The following DPPA2 variants were observed in gnomAD, a reference collection of about 807,000 sequenced individuals.
DPPA2 encodes the protein developmental pluripotency-associated protein 2.
In DPPA2, 26 loss-of-function variants were observed where a neutral mutation model predicts 36.2. The observed-to-expected ratio is 0.72, with a 90% CI of 0.53 to 1.00. DPPA2 has a LOEUF of 1.00. Among genes scored for constraint, DPPA2 ranks in the 50% least tolerant of loss-of-function variants. DPPA2 has a pLI of 0.00. For missense variants in DPPA2, 361 were observed against 365.1 expected (o/e 0.99, Z 0.09); for synonymous variants, 113 against 123.2 (o/e 0.92, Z 0.55).
At chr3:109,313,709 T>C (rs1171921964) in intron 2 of DPPA2, among the ~76,000 whole-genome samples, 1 of 152,190 alleles carries the variant, frequency 6.6e-6, no homozygotes, top group East Asian at 1.9e-4. Context: ...ATTCCAGTCC[T>C]ATTGCAATAT....
Position 109,314,575 on chromosome 3 carries a change from C to T in DPPA2, c.-13-20G>A. 1 of 1,606,386 alleles carries T rather than the reference C, an allele frequency of 6.2e-7. No homozygotes were observed. The highest frequency in any genetic ancestry group is 8.5e-7 in the Non-Finnish European group (1 of 1,174,854). On this transcript the variant is annotated intron_variant, in intron 1 of 8. Coordinates refer to ENST00000478945, the MANE Select transcript of DPPA2 (RefSeq NM_138815.4). ...AACACCCTGGGGAAGGCAAGGACAG[C>T]AATGTTAAGGATATGGTAGTTTACT...
At chr3:109,301,853 C>T (rs183737015) in intron 7 of DPPA2, among the ~76,000 whole-genome samples, 98 of 152,204 alleles carry the variant, frequency 6.4e-4, no homozygotes, top group African/African-American at 2.4e-3. Context: ...TGACGGTGAT[C>T]AACATGTCCT....
intron 8 of DPPA2, among the ~76,000 whole-genome samples, chr3:109,297,417 G>A (rs1484386171): frequency 1.3e-5 from 2 of 151,766 alleles, no homozygotes; most frequent in Non-Finnish European, 2.9e-5. Context: ...CCAGCTACTT[G>A]GGAGGCAGAG....
At chr3:109,311,946 G>A (rs1233249542) in intron 3 of DPPA2, among the ~76,000 whole-genome samples, 1 of 152,110 alleles carries the variant, frequency 6.6e-6, no homozygotes, top group Non-Finnish European at 1.5e-5. Flanking sequence ...TATAGAAGAG[G>A]AGATTGAGCT....
rs780863080 is a variant in DPPA2, at chr3:109,308,228, G to C, written c.462C>G (p.Thr154=). The change falls in exon 6 of 9, where the codon ACC becomes ACG. Residue 154 remains threonine, a synonymous_variant. Transcript: ENST00000478945. ...AACTTCTCTGAAGCCTTGCTCTCTT[G>C]GTCACTGCCTTGCGTTTCCTCGAAC... ...QRCSRKRKAV[T]KRARLQRSYE... 3.1e-6 allele frequency: 5 copies of C among 1,614,016 alleles called. No homozygotes were observed. The African/African-American group carries it at 6.7e-5, about 22-fold the overall frequency.
At chr3:109,299,701 GAA>G (rs1468014392) in intron 8 of DPPA2, among the ~76,000 whole-genome samples, 5 of 137,032 alleles carry the variant, frequency 3.6e-5, no homozygotes, top group African/African-American at 1.3e-4. Flanking sequence ...AAAAAAAAAA[GAA>G]AAAGAAAAAG....
intron 3 of DPPA2, 42 bp from the exon 4 acceptor site, chr3:109,309,372 G>A (rs2107316760): frequency 1.9e-6 from 3 of 1,606,524 alleles, no homozygotes; most frequent in Non-Finnish European, 1.7e-6. Context: ...ATTTAAAGTT[G>A]GCAAGATTAT....
At chr3:109,313,468 A>G (rs1707742602) in intron 2 of DPPA2, among the ~76,000 whole-genome samples, 1 of 152,230 alleles carries the variant, frequency 6.6e-6, no homozygotes, top group Non-Finnish European at 1.5e-5. Context: ...AAAGTAGAAA[A>G]GCAGGTAGAT....
rs1049821023 is a variant in DPPA2, at chr3:109,316,324, T to C, written c.-54A>G. 6.5e-6 allele frequency: 1 copy of C among 152,732 alleles called. No homozygotes were observed. The highest frequency in any genetic ancestry group is 2.4e-5 in the African/African-American group (1 of 41,344). 9.5% of individuals were successfully genotyped at this position (152,732 alleles called of 1,614,324 possible). Reference sequence around the variant, plus strand: ...ATTGCGGGGACGGAGAGGATGTGGGTAGGGGGCCTCACTGTGTTGCCCAGG... The same window carrying C: ...ATTGCGGGGACGGAGAGGATGTGGGCAGGGGGCCTCACTGTGTTGCCCAGG... On this transcript the variant is annotated 5_prime_UTR_variant, in exon 1 of 9. Transcript: ENST00000478945.
chr3:109,297,310 G>A (rs1707373024), intron 8 of DPPA2, among the ~76,000 whole-genome samples: 1 of 152,154 alleles, frequency 6.6e-6, no homozygotes, highest in South Asian at 2.1e-4. Flanking sequence ...GATCACCTGA[G>A]GTCAGGAGTT....
chr3:109,315,866 G>GAATAAATA (rs937794358), intron 1 of DPPA2, among the ~76,000 whole-genome samples: 9 of 151,504 alleles, frequency 5.9e-5, no homozygotes, highest in African/African-American at 2.2e-4. Context: ...TCATCTCTAT[G>GAATAAATA]AATAAATAAA....
intron 3 of DPPA2, 65 bp from the exon 4 acceptor site, chr3:109,309,395 C>T: frequency 6.3e-7 from 1 of 1,594,430 alleles, no homozygotes; most frequent in Non-Finnish European, 8.6e-7. Context: ...TAAAATTTTA[C>T]AAAGATCTAG....
At chr3:109,314,831 G>C (rs979268219) in intron 1 of DPPA2, among the ~76,000 whole-genome samples, 1 of 151,818 alleles carries the variant, frequency 6.6e-6, no homozygotes, top group Admixed American at 6.6e-5. Flanking sequence ...GGGAGGCCCA[G>C]GGGGGGCGGA....
intron 6 of DPPA2, among the ~76,000 whole-genome samples, chr3:109,305,305 T>C (rs1421823042): frequency 1.3e-5 from 2 of 152,218 alleles, no homozygotes; most frequent in African/African-American, 4.8e-5. Context: ...TTCTATTTGC[T>C]TTTCTTATTA....
At chr3:109,301,150 A>AT (rs1268684087) in intron 7 of DPPA2, among the ~76,000 whole-genome samples, 5 of 151,808 alleles carry the variant, frequency 3.3e-5, no homozygotes, top group Middle Eastern at 3.4e-3. Flanking sequence ...CACCTGGCTA[A>AT]TTTTTTTATA....
At chr3:109,313,272 G>A (rs1418428670) in intron 2 of DPPA2, among the ~76,000 whole-genome samples, 4 of 152,150 alleles carry the variant, frequency 2.6e-5, no homozygotes, top group Admixed American at 1.3e-4. Flanking sequence ...CCAACAGTCT[G>A]GTCCCTGCCT....
At chr3:109,308,334 G>C (rs1256396273) in intron 5 of DPPA2, 41 bp from the exon 6 acceptor site, 2 of 1,582,046 alleles carry the variant, frequency 1.3e-6, no homozygotes, top group Non-Finnish European at 1.7e-6. Context: ...TAAACCGCTA[G>C]GGCTGTAAGG....
At position 109,303,177 on chromosome 3, in the gene DPPA2, C is replaced by T. The variant is rs1353231114; in HGVS notation, c.854+1298G>A. ...GTCCTAACCTCAGATGATCTGCCCA[C>T]CTTGGCCTCCCCAGGTGCTGGGAAT... is the stretch of plus-strand genomic sequence containing the variant. On this transcript the variant is annotated intron_variant, in intron 7 of 8. Transcript: ENST00000478945. 3.9e-5 allele frequency among the ~76,000 whole-genome samples: 6 copies of T among 152,192 alleles called. No individual in the cohort carries two copies. In the East Asian group the frequency reaches 9.6e-4, roughly 24 times the overall value.
At chr3:109,294,409 A>C (rs975834282) in intron 8 of DPPA2, among the ~76,000 whole-genome samples, 1 of 152,272 alleles carries the variant, frequency 6.6e-6, no homozygotes, top group South Asian at 2.1e-4. Flanking sequence ...ACAATGTGGA[A>C]ATTTTTCTGT....
Sources: allele counts gnomAD v4.1 joint callset (sites outside exome capture counted in the v4.1 genomes callset), GRCh38; gene constraint gnomAD v4.1.1; transcripts MANE v1.5; gene names NCBI Gene and HGNC (gene_info 2026-07-23, HGNC 2026-07-21).